Variants in TBC1D22A observed in about 807,000 individuals in gnomAD.
TBC1D22A encodes the protein putative GTPase activator.
A neutral mutation model predicts 60.2 loss-of-function variants in TBC1D22A; 38 were observed. The ratio of observed to expected loss-of-function variants is 0.63; its 90% CI spans 0.49 to 0.83. The LOEUF is 0.83. TBC1D22A is among the 40% of genes least tolerant of loss of function. The pLI is 0.00. For missense variants in TBC1D22A, 628 were observed against 701.0 expected (o/e 0.90, Z 1.18); for synonymous variants, 302 against 281.7 (o/e 1.07, Z -0.72).
chr22:46,838,219 A>T (rs1276303161), intron 4 of TBC1D22A, among the ~76,000 whole-genome samples: 1 of 152,274 alleles, frequency 6.6e-6, no homozygotes, highest in Non-Finnish European at 1.5e-5. Flanking sequence ...GAGATTAAAA[A>T]GAACCTAAGA....
At chr22:47,060,886 G>A (rs926967317) in intron 11 of TBC1D22A, among the ~76,000 whole-genome samples, 5 of 152,168 alleles carry the variant, frequency 3.3e-5, no homozygotes, top group East Asian at 1.9e-4. Flanking sequence ...TCCCATCATC[G>A]GGGCGGTTGC....
At chr22:46,864,910 G>A (rs1442610137) in intron 4 of TBC1D22A, among the ~76,000 whole-genome samples, 1 of 152,188 alleles carries the variant, frequency 6.6e-6, no homozygotes, top group Admixed American at 6.5e-5. Flanking sequence ...CAGGCCTAGG[G>A]ATTTGCTGGC....
At chr22:47,156,908 C>T (rs1311023379) in intron 12 of TBC1D22A, among the ~76,000 whole-genome samples, 1 of 152,244 alleles carries the variant, frequency 6.6e-6, no homozygotes, top group Non-Finnish European at 1.5e-5. Context: ...GGCCACAGCC[C>T]CATGGTCTTC....
chr22:46,775,447 T>A (rs2083664168), intron 1 of TBC1D22A, among the ~76,000 whole-genome samples: 1 of 152,030 alleles, frequency 6.6e-6, no homozygotes, highest in Non-Finnish European at 1.5e-5. Context: ...GCCTTGGGAG[T>A]TGCTTTCTCG....
intron 8 of TBC1D22A, among the ~76,000 whole-genome samples, chr22:46,969,995 C>A (rs2073983115): frequency 1.3e-5 from 2 of 152,054 alleles, no homozygotes; most frequent in South Asian, 4.2e-4. Context: ...CCACAGTGGC[C>A]CATCTCTGTC....
chr22:47,136,176 C>A (rs1338693148), intron 12 of TBC1D22A, among the ~76,000 whole-genome samples: 1 of 152,252 alleles, frequency 6.6e-6, no homozygotes, highest in Non-Finnish European at 1.5e-5. Flanking sequence ...CCCCTGAGGC[C>A]TCCCAGTGCC....
At chr22:46,788,657 G>C (rs572300438) in intron 1 of TBC1D22A, among the ~76,000 whole-genome samples, 19 of 152,328 alleles carry the variant, frequency 1.2e-4, no homozygotes, top group Admixed American at 4.6e-4. Flanking sequence ...CTTCCTGGTT[G>C]AGAGGAGGGA....
chr22:46,797,738 T>G, intron 4 of TBC1D22A, 118 bp downstream of exon 4: 1 of 1,095,240 alleles, frequency 9.1e-7, no homozygotes, highest in Non-Finnish European at 1.2e-6. Flanking sequence ...GTGTGTAATT[T>G]GCCTTGCAGG....
chr22:46,955,023 T>G (rs2073112942), intron 8 of TBC1D22A, among the ~76,000 whole-genome samples: 2 of 152,218 alleles, frequency 1.3e-5, no homozygotes, highest in South Asian at 4.1e-4. Flanking sequence ...AGTTGAATAA[T>G]AAGACGCGGC....
intron 12 of TBC1D22A, among the ~76,000 whole-genome samples, chr22:47,160,588 G>A (rs754890): frequency 0.19 from 28,710 of 152,146 alleles, 3,380 homozygotes; most frequent in African/African-American, 0.34. Context: ...ACCTCACCCC[G>A]GACCACATGC....
intron 12 of TBC1D22A, chr22:47,117,332 C>T (rs1448040704): frequency 6.5e-6 from 1 of 154,388 alleles, no homozygotes; most frequent in East Asian, 2.0e-4. Context: ...GGAGAGTCAC[C>T]CCACACCGTG....
intron 8 of TBC1D22A, among the ~76,000 whole-genome samples, chr22:46,921,663 C>T (rs60929934): frequency 2.0e-5 from 3 of 151,952 alleles, no homozygotes; most frequent in South Asian, 2.1e-4. Context: ...GAGAAATCAC[C>T]GAACTGCTTT....
At position 46,762,660 on chromosome 22, in the gene TBC1D22A, C is replaced by G. The variant is rs1260527517; in HGVS notation, c.-127C>G. The G allele has an allele frequency of 4.0e-6, 3 of 750,712 alleles. No homozygotes were observed. Among genetic ancestry groups the G allele is most frequent in the Non-Finnish European group, 1.9e-6 (1 of 520,896 alleles). The allele number at this position is 750,712 out of a possible 1,614,324, so 46.5% of individuals were successfully genotyped here. The stretch of plus-strand genomic sequence containing the variant: ...CTTCCGGAAGGAGGCGGAAGAGCTT[C>G]TCGGCTCTAGGCTCTGGAGTCCCGG... On this transcript the variant is annotated 5_prime_UTR_variant, in exon 1 of 13. Transcript: ENST00000337137.
chr22:47,125,231 T>G (rs2066413424), intron 12 of TBC1D22A, among the ~76,000 whole-genome samples: 1 of 152,146 alleles, frequency 6.6e-6, no homozygotes, highest in Admixed American at 6.5e-5. Context: ...CTCCTCACAC[T>G]TCAGGGAGGG....
chr22:47,140,553 CAAAA>C (rs940877057), intron 12 of TBC1D22A, among the ~76,000 whole-genome samples: 5 of 69,860 alleles, frequency 7.2e-5, no homozygotes, highest in African/African-American at 1.4e-4. Flanking sequence ...GACTCTGTCT[CAAAA>C]AAAAAAAAAA....
Position 47,112,697 on chromosome 22 carries a change from C to T in TBC1D22A, c.1425+1094C>T, listed in dbSNP as rs372956634. Among the ~76,000 whole-genome samples, 5 of 152,304 alleles carry T rather than the reference C, an allele frequency of 3.3e-5. No individual in the cohort carries two copies. In the South Asian group the frequency reaches 1.0e-3, roughly 32 times the overall value. On this transcript the variant is annotated intron_variant, in intron 12 of 12. Coordinates refer to ENST00000337137, the MANE Select transcript of TBC1D22A (RefSeq NM_014346.5). ...GTGTTCGCAGGTGGATGGGACAAGA[C>T]GCTCCTTCTGCTAACTTAGCTCCTG...
At chr22:46,887,361 C>T (rs1051635313) in intron 5 of TBC1D22A, among the ~76,000 whole-genome samples, 3 of 152,228 alleles carry the variant, frequency 2.0e-5, no homozygotes, top group African/African-American at 4.8e-5. Flanking sequence ...AATTTGCATA[C>T]ACTTCTGACA....
chr22:47,026,311 C>T (rs963827734), intron 10 of TBC1D22A, among the ~76,000 whole-genome samples: 1 of 152,178 alleles, frequency 6.6e-6, no homozygotes, highest in African/African-American at 2.4e-5. Flanking sequence ...AGCTTTCCCC[C>T]CAAATCGGAA....
chr22:47,072,173 A>G (rs1056404659), intron 11 of TBC1D22A, among the ~76,000 whole-genome samples: 1 of 152,124 alleles, frequency 6.6e-6, no homozygotes, highest in Non-Finnish European at 1.5e-5. Context: ...AATTAGGAGG[A>G]AAAAGAGGAG....
Sources: allele counts gnomAD v4.1 joint callset (sites outside exome capture counted in the v4.1 genomes callset), GRCh38; gene constraint gnomAD v4.1.1; transcripts MANE v1.5; gene names NCBI Gene and HGNC (gene_info 2026-07-23, HGNC 2026-07-21).